The following SMIM13 variants were observed in gnomAD, a reference collection of about 807,000 sequenced individuals.
SMIM13 encodes the protein small integral membrane protein 13.
Under a neutral mutation model 5.9 loss-of-function variants are expected in SMIM13, and 3 were observed. That is an observed-to-expected ratio of 0.51 (90% confidence interval 0.23 to 1.31). The LOEUF (loss-of-function observed/expected upper bound fraction) is 1.31. SMIM13 is among the 40% of genes most tolerant of loss of function. The pLI, the probability that SMIM13 is intolerant of heterozygous loss-of-function variation, is 0.18. For missense variants in SMIM13, 85 were observed against 109.9 expected, an observed-to-expected ratio of 0.77 and a Z score of 1.01; for synonymous variants, 55 against 46.0, an observed-to-expected ratio of 1.19 and a Z score of -0.79.
In SMIM13 at chr6:11,130,547, A is replaced by T. The variant is rs559544842; in HGVS notation, c.77-3856A>T. Among the ~76,000 whole-genome samples the T allele has an allele frequency of 1.9e-3, 290 of 152,264 alleles. 1 individual carries two copies. The highest frequency in any genetic ancestry group is 6.7e-3 in the African/African-American group (280 of 41,526). On this transcript the variant is annotated intron_variant, in intron 1 of 1. Coordinates refer to ENST00000416247, the MANE Select transcript of SMIM13 (RefSeq NM_001135575.2). ...GGCCAGGGTGGGGAGGGGAGTGGTG[A>T]TAGTAGCCATAACTTGCCTCTCCAA...
intron 1 of SMIM13, among the ~76,000 whole-genome samples, chr6:11,124,157 G>C (rs1046669934): frequency 6.6e-6 from 1 of 151,860 alleles, no homozygotes; most frequent in African/African-American, 2.4e-5. Flanking sequence ...TGCCCCTTCA[G>C]TACCGTTCCC....
chr6:11,131,318 G>A (rs1459073258), intron 1 of SMIM13, among the ~76,000 whole-genome samples: 1 of 151,606 alleles, frequency 6.6e-6, no homozygotes, highest in Non-Finnish European at 1.5e-5. Context: ...TAAGTACAGA[G>A]AAATATATTT....
intron 1 of SMIM13, among the ~76,000 whole-genome samples, chr6:11,125,649 C>T (rs1758368391): frequency 6.6e-6 from 1 of 152,142 alleles, no homozygotes; most frequent in Non-Finnish European, 1.5e-5. Context: ...AAATGCCATG[C>T]CACCCTCTCC....
rs888456156 is a variant in SMIM13 at position 11,114,847 on chromosome 6, A to C, written c.77-19556A>C. ...ACTCTTGACCTCAAGTGATCCACCT[A>C]CCTTGGCCTCCCAAAGTGTTGGCAT... On this transcript the variant is annotated intron_variant, in intron 1 of 1. Transcript: ENST00000416247. Among the ~76,000 whole-genome samples the C allele has an allele frequency of 1.1e-4, 17 of 151,756 alleles. No individual in the cohort carries two copies. In the East Asian group the frequency reaches 1.9e-3, roughly 17 times the overall value.
chr6:11,110,058 T>C (rs1758145365), intron 1 of SMIM13, among the ~76,000 whole-genome samples: 1 of 152,310 alleles, frequency 6.6e-6, no homozygotes, highest in South Asian at 2.1e-4. Flanking sequence ...TCTTGTTTTA[T>C]TGAGGCACAA....
chr6:11,103,917 C>G, intron 1 of SMIM13: 3 of 1,551,694 alleles, frequency 1.9e-6, no homozygotes, highest in East Asian at 4.9e-5. Flanking sequence ...CTGAGTGGCT[C>G]GTTCCCGTAA....
intron 1 of SMIM13, among the ~76,000 whole-genome samples, chr6:11,106,878 T>C (rs1473469321): frequency 6.6e-6 from 1 of 152,226 alleles, no homozygotes; most frequent in African/African-American, 2.4e-5. Context: ...CTGGAGCTGT[T>C]AGGTACACCC....
chr6:11,114,260 A>C (rs1191227438), intron 1 of SMIM13, among the ~76,000 whole-genome samples: 1 of 152,126 alleles, frequency 6.6e-6, no homozygotes, highest in Admixed American at 6.6e-5. Flanking sequence ...GATTACAGGC[A>C]GTTGAAGGTA....
At position 11,138,566 on chromosome 6, in the gene SMIM13, A is replaced by G. The variant is rs1168771354; in HGVS notation, c.*3964A>G. Reference sequence around the variant, plus strand: ...AATAATTAGAATTACGTGTTTTAATAGTACCTTTGTATATATAACAAGATG... The same window carrying G: ...AATAATTAGAATTACGTGTTTTAATGGTACCTTTGTATATATAACAAGATG... On this transcript the variant is annotated 3_prime_UTR_variant, in exon 2 of 2. Transcript: ENST00000416247. 3 of 152,138 alleles carry G rather than the reference A, an allele frequency of 2.0e-5. No individual in the cohort carries two copies. Among genetic ancestry groups the G allele is most frequent in the African/African-American group, 7.2e-5 (3 of 41,456 alleles). The allele number at this position is 152,138 out of a possible 1,614,324, so 9.4% of individuals were successfully genotyped here. A position where few individuals can be genotyped will look rare whatever the true frequency, so the allele number is the denominator to read the frequency against.
At chr6:11,106,788 G>C (rs1327919853) in intron 1 of SMIM13, among the ~76,000 whole-genome samples, 2 of 152,158 alleles carry the variant, frequency 1.3e-5, no homozygotes, top group Non-Finnish European at 2.9e-5. Flanking sequence ...GTCCTTTACT[G>C]TGCACTATTG....
chr6:11,105,167 G>T, intron 1 of SMIM13: 1 of 1,614,210 alleles, frequency 6.2e-7, no homozygotes, highest in African/African-American at 1.3e-5. Flanking sequence ...CAGTGGAAGA[G>T]CTAGTACATA....
intron 1 of SMIM13, among the ~76,000 whole-genome samples, chr6:11,129,936 T>C (rs1758429792): frequency 6.6e-6 from 1 of 152,136 alleles, no homozygotes; most frequent in Non-Finnish European, 1.5e-5. Context: ...AGATGTGTCA[T>C]GTGTCGTTTT....
In SMIM13 at chr6:11,132,663, A is replaced by G. The variant is rs1758465707; in HGVS notation, c.77-1740A>G. ...TGGAAACATGGGCTGAGTTTGAAAA[A>G]CCAGACACAGAGGCCACGTATTGTA... On this transcript the variant is annotated intron_variant, in intron 1 of 1. Coordinates refer to ENST00000416247, the MANE Select transcript of SMIM13 (RefSeq NM_001135575.2). Among the ~76,000 whole-genome samples, 5 of 152,296 alleles carry G rather than the reference A, an allele frequency of 3.3e-5. No homozygotes were observed. The South Asian group carries it at 1.0e-3, about 32-fold the overall frequency.
chr6:11,108,851 T>G (rs2113648396), intron 1 of SMIM13, among the ~76,000 whole-genome samples: 1 of 152,324 alleles, frequency 6.6e-6, no homozygotes, highest in South Asian at 2.1e-4. Context: ...CTAGTGGGTC[T>G]GGGTCTAGGT....
chr6:11,110,098 G>A (rs1758145932), intron 1 of SMIM13, among the ~76,000 whole-genome samples: 1 of 152,136 alleles, frequency 6.6e-6, no homozygotes. Context: ...GAACAGAGGC[G>A]AGAAGAGGGC....
At chr6:11,130,258 A>G (rs1258404566) in intron 1 of SMIM13, among the ~76,000 whole-genome samples, 3 of 88,576 alleles carry the variant, frequency 3.4e-5, no homozygotes, top group East Asian at 1.2e-3. Context: ...CATTGTAAAA[A>G]AAAAAAAAAA....
chr6:11,132,297 T>G (rs899888319), intron 1 of SMIM13, among the ~76,000 whole-genome samples: 3 of 152,152 alleles, frequency 2.0e-5, no homozygotes, highest in African/African-American at 7.2e-5. Context: ...GTAGAGAAAT[T>G]GGAACCTCAT....
intron 1 of SMIM13, among the ~76,000 whole-genome samples, chr6:11,111,910 C>G (rs1410547404): frequency 6.6e-6 from 1 of 152,074 alleles, no homozygotes; most frequent in Non-Finnish European, 1.5e-5. Context: ...ACATTTTTCC[C>G]TTATCAGTCA....
chr6:11,116,264 C>T (rs1027033301), intron 1 of SMIM13, among the ~76,000 whole-genome samples: 2 of 152,148 alleles, frequency 1.3e-5, no homozygotes, highest in African/African-American at 2.4e-5. Context: ...GGTGATCCGC[C>T]CACCTCAGCT....
Sources: gnomAD v4.1 joint callset for allele counts (sites outside exome capture counted in the v4.1 genomes callset) on GRCh38, gnomAD v4.1.1 for gene constraint, MANE v1.5 for transcripts, NCBI Gene and HGNC (gene_info 2026-07-23, HGNC 2026-07-21) for gene names.